Variants in SHTN1 observed in about 807,000 individuals in gnomAD.
SHTN1 encodes shootin 1.
In SHTN1, 42 loss-of-function variants were observed where a neutral mutation model predicts 83.1. The observed-to-expected ratio is 0.51, with a 90% CI of 0.39 to 0.65. The LOEUF (loss-of-function observed/expected upper bound fraction) is 0.65, where lower values mean the gene tolerates loss of function less well. Among genes scored for constraint, SHTN1 ranks in the 30% least tolerant of loss-of-function variants. SHTN1 has a pLI of 0.00. For missense variants in SHTN1, 622 were observed against 737.8 expected, an observed-to-expected ratio of 0.84 and a Z score of 1.82; for synonymous variants, 224 against 247.7, an observed-to-expected ratio of 0.90 and a Z score of 0.90.
At chr10:117,080,981 C>T (rs1489888546) in intron 1 of SHTN1, among the ~76,000 whole-genome samples, 2 of 151,494 alleles carry the variant, frequency 1.3e-5, no homozygotes, top group Non-Finnish European at 2.9e-5. Flanking sequence ...CATCTGCAAA[C>T]AGGGACAATT....
intron 1 of SHTN1, among the ~76,000 whole-genome samples, chr10:116,986,644 G>A (rs1485945174): frequency 4.0e-5 from 6 of 151,676 alleles, no homozygotes; most frequent in Non-Finnish European, 7.4e-5. Context: ...CACTTTGGGA[G>A]GCCAAGGCAG....
At chr10:116,909,773 A>G (rs1412168445) in intron 14 of SHTN1, among the ~76,000 whole-genome samples, 3 of 152,202 alleles carry the variant, frequency 2.0e-5, no homozygotes, top group Non-Finnish European at 2.9e-5. Context: ...AGAAGGCCAA[A>G]TCACTAAGTC....
intron 2 of SHTN1, among the ~76,000 whole-genome samples, chr10:116,971,468 T>G (rs1314070779): frequency 2.6e-5 from 4 of 152,210 alleles, no homozygotes; most frequent in Non-Finnish European, 4.4e-5. Flanking sequence ...CCAAACGGAC[T>G]ACATTAGACA....
At chr10:117,069,381 C>A (rs554374883) in intron 1 of SHTN1, among the ~76,000 whole-genome samples, 3 of 151,948 alleles carry the variant, frequency 2.0e-5, no homozygotes, top group Admixed American at 2.0e-4. Context: ...AGATCACTCT[C>A]AAGTGGCCTG....
At chr10:117,120,354 T>G (rs1224108669) in intron 1 of SHTN1, among the ~76,000 whole-genome samples, 1 of 151,732 alleles carries the variant, frequency 6.6e-6, no homozygotes, top group Non-Finnish European at 1.5e-5. Flanking sequence ...TTCAAGCGAT[T>G]CTCCTGCCTC....
chr10:117,044,129 AAAGT>A (rs1301284515), intron 2 of SHTN1, among the ~76,000 whole-genome samples: 1 of 152,152 alleles, frequency 6.6e-6, no homozygotes, highest in African/African-American at 2.4e-5. Context: ...GTATAGCAAT[AAAGT>A]AAGTATTTTT....
At chr10:116,984,897 C>T (rs1851170102) in intron 1 of SHTN1, among the ~76,000 whole-genome samples, 1 of 152,226 alleles carries the variant, frequency 6.6e-6, no homozygotes, top group Non-Finnish European at 1.5e-5. Context: ...TCCCTAAACC[C>T]TCTAAGACCT....
intron 3 of SHTN1, among the ~76,000 whole-genome samples, chr10:116,961,482 C>T (rs1850184280): frequency 2.0e-5 from 3 of 152,020 alleles, no homozygotes; most frequent in African/African-American, 7.2e-5. Flanking sequence ...AAACATGAAT[C>T]AACACTGTTA....
intron 1 of SHTN1, among the ~76,000 whole-genome samples, chr10:117,002,749 G>A: frequency 6.6e-6 from 1 of 152,184 alleles, no homozygotes; most frequent in Non-Finnish European, 1.5e-5. Flanking sequence ...GTTTTGAAAT[G>A]TATAAAAATC....
upstream of SHTN1, chr10:117,005,207 C>T (rs1451698139): frequency 1.3e-6 from 2 of 1,504,812 alleles, no homozygotes; most frequent in Non-Finnish European, 8.9e-7. Flanking sequence ...TCCGCTCCCG[C>T]TCCTCCTCCT....
At chr10:116,998,224 C>G (rs1408785578) in intron 1 of SHTN1, among the ~76,000 whole-genome samples, 2 of 152,190 alleles carry the variant, frequency 1.3e-5, no homozygotes, top group African/African-American at 4.8e-5. Context: ...ATGAATATTA[C>G]TTCAAATTTT....
intron 13 of SHTN1, 45 bp from the exon 14 acceptor site, chr10:116,911,888 A>C (rs775778773): frequency 9.5e-6 from 13 of 1,363,150 alleles, no homozygotes; most frequent in Non-Finnish European, 1.3e-5. Context: ...AATTCAGTTT[A>C]AAAATACTAA....
At chr10:116,916,265 A>G (rs1040515482) in intron 12 of SHTN1, among the ~76,000 whole-genome samples, 4 of 152,226 alleles carry the variant, frequency 2.6e-5, no homozygotes, top group Non-Finnish European at 5.9e-5. Flanking sequence ...AAACTTATTG[A>G]TCAGAAAAGT....
At chr10:117,083,731 G>A (rs1337614799) in intron 1 of SHTN1, among the ~76,000 whole-genome samples, 40 of 151,828 alleles carry the variant, frequency 2.6e-4, no homozygotes, top group African/African-American at 6.5e-4. Context: ...GGCTTTGCTC[G>A]TTTCTTTTTA....
chr10:116,928,024 T>A, intron 10 of SHTN1, 133 bp from the exon 11 acceptor site: 2 of 975,042 alleles, frequency 2.1e-6, no homozygotes, highest in Non-Finnish European at 3.0e-6. Flanking sequence ...AATTTCAATA[T>A]GAAATTACAG....
chr10:116,958,035 GGAC>G (rs1850045446), intron 4 of SHTN1, among the ~76,000 whole-genome samples: 1 of 152,136 alleles, frequency 6.6e-6, no homozygotes, highest in Non-Finnish European at 1.5e-5. Context: ...ACTCCAGCCT[GGAC>G]AACAGAGCAG....
upstream of SHTN1, chr10:117,005,445 C>T (rs954626076): frequency 3.8e-6 from 4 of 1,057,652 alleles, no homozygotes; most frequent in African/African-American, 5.1e-5. Context: ...TTTTCTCCGC[C>T]TCCACCTCCC....
chr10:116,974,449 C>T (rs1032051628), intron 2 of SHTN1, among the ~76,000 whole-genome samples: 6 of 152,046 alleles, frequency 3.9e-5, no homozygotes, highest in South Asian at 2.1e-4. Flanking sequence ...GAATATTACA[C>T]AAGAGGAAGA....
At chr10:116,999,738 C>A (rs1564924055) in intron 1 of SHTN1, among the ~76,000 whole-genome samples, 1 of 152,096 alleles carries the variant, frequency 6.6e-6, no homozygotes. Context: ...CATAGTGAAA[C>A]CCCATCTCTA....
Sources: gnomAD v4.1 joint callset for allele counts (sites outside exome capture counted in the v4.1 genomes callset) on GRCh38, gnomAD v4.1.1 for gene constraint, MANE v1.5 for transcripts, NCBI Gene and HGNC (gene_info 2026-07-23, HGNC 2026-07-21) for gene names.